The following MTG1 variants were observed in gnomAD, a reference collection of about 807,000 sequenced individuals.
The protein encoded by MTG1 is mitochondrial ribosome associated GTPase 1.
MTG1 carries 30 observed loss-of-function variants against 39.5 expected under a neutral mutation model. The ratio of observed to expected loss-of-function variants is 0.76; its 90% confidence interval spans 0.57 to 1.03. MTG1 has a LOEUF of 1.03. Among genes scored for constraint, MTG1 ranks in the 50% least tolerant of loss-of-function variants. The probability of loss-of-function intolerance (pLI) is 0.00; values close to 1 mark genes in which losing one functional copy is unlikely to be tolerated. For synonymous variants in MTG1, 217 were observed against 179.0 expected (o/e 1.21, Z -1.69); for missense variants, 513 against 447.4 (o/e 1.15, Z -1.32).
chr10:133,414,944 A>G (rs1268393336), intron 9 of MTG1, among the ~76,000 whole-genome samples: 1 of 152,244 alleles, frequency 6.6e-6, no homozygotes, highest in Non-Finnish European at 1.5e-5. Context: ...CTGGCGGATC[A>G]CTTGTGGTTA....
At chr10:133,415,734 T>A (rs1366467948) in intron 9 of MTG1, among the ~76,000 whole-genome samples, 1 of 152,262 alleles carries the variant, frequency 6.6e-6, no homozygotes, top group Non-Finnish European at 1.5e-5. Flanking sequence ...TTTTTGGATC[T>A]GGGTCTTTGT....
chr10:133,399,115 G>A, intron 4 of MTG1, 55 bp from the exon 5 acceptor site: 1 of 1,596,600 alleles, frequency 6.3e-7, no homozygotes, highest in Non-Finnish European at 8.6e-7. Flanking sequence ...GAAGGAGCGG[G>A]TCAGTGCACA....
chr10:133,414,467 G>T (rs1461916911), intron 9 of MTG1, among the ~76,000 whole-genome samples: 1 of 152,214 alleles, frequency 6.6e-6, no homozygotes, highest in East Asian at 1.9e-4. Context: ...GGGCAGAGGG[G>T]CTCCTCACTT....
intron 3 of MTG1, among the ~76,000 whole-genome samples, 172 bp downstream of exon 3, chr10:133,396,439 G>C (rs1197744637): frequency 6.6e-6 from 1 of 152,122 alleles, no homozygotes; most frequent in Non-Finnish European, 1.5e-5. Flanking sequence ...CTCATATGGC[G>C]TGCCCCCATC....
Position 133,402,774 on chromosome 10 carries a change from G to C in MTG1, c.752+1G>C. 1 of 1,597,548 alleles carries C rather than the reference G, an allele frequency of 6.3e-7. No individual in the cohort carries two copies. The highest frequency in any genetic ancestry group is 8.5e-7 in the Non-Finnish European group (1 of 1,172,122). On this transcript the variant is annotated splice_donor_variant, in intron 9 of 10. Transcript: ENST00000317502. LOFTEE classifies it high-confidence loss of function. The surrounding 1 kb of genome is among the most constrained non-coding windows in gnomAD (Gnocchi z 4.7). ...CCCTCAACAAACACCAGCGCTTTGG[G>C]TGAGTGCAGTGAATGCAGGGCAGCT...
chr10:133,410,279 A>G (rs999917239), intron 9 of MTG1, among the ~76,000 whole-genome samples: 4 of 151,436 alleles, frequency 2.6e-5, no homozygotes, highest in Non-Finnish European at 5.9e-5. Context: ...CTGGTCTTGA[A>G]CTCTTGGCCT....
At position 133,402,959 on chromosome 10, in the gene MTG1, A is replaced by G; in HGVS notation, c.752+186A>G. 5 of 539,508 alleles carry G rather than the reference A, an allele frequency of 9.3e-6. No individual in the cohort carries two copies. The highest frequency in any genetic ancestry group is 6.6e-6 in the Non-Finnish European group (2 of 304,844). 33.4% of individuals were successfully genotyped at this position (539,508 alleles called of 1,614,324 possible). On this transcript the variant is annotated intron_variant, in intron 9 of 10. Coordinates refer to ENST00000317502, the MANE Select transcript of MTG1 (RefSeq NM_138384.4). The surrounding 1 kb of genome is among the most constrained non-coding windows in gnomAD (Gnocchi z 4.7). ...CTATACGTCTGTGAAAGCAACACAC[A>G]ATCAAGAAAACGAGCGTTCCCGTCA... is the stretch of plus-strand genomic sequence containing the variant.
At chr10:133,398,035 C>G (rs1448820829) in intron 3 of MTG1, among the ~76,000 whole-genome samples, 2 of 152,140 alleles carry the variant, frequency 1.3e-5, no homozygotes, top group African/African-American at 4.8e-5. Flanking sequence ...CATTTACTAC[C>G]CAGAGTGTGT....
Position 133,420,360 on chromosome 10 carries a change from A to G in MTG1, c.*195A>G. On this transcript the variant is annotated 3_prime_UTR_variant, in exon 11 of 11. Transcript: ENST00000317502. Reference sequence around the variant, plus strand: ...GCCCAAGCAGGTGGGAGTGGACACCAGGCTTCCCAGTGGACGTCCCTGAGC... The same window carrying G: ...GCCCAAGCAGGTGGGAGTGGACACCGGGCTTCCCAGTGGACGTCCCTGAGC... 1.8e-6 allele frequency: 1 copy of G among 570,080 alleles called. No homozygotes were observed. The highest frequency in any genetic ancestry group is 2.9e-6 in the Non-Finnish European group (1 of 345,552). The allele number at this position is 570,080 out of a possible 1,614,324, so 35.3% of individuals were successfully genotyped here.
chr10:133,395,664 T>C (rs756724966), intron 1 of MTG1, 49 bp from the exon 2 acceptor site: 2 of 1,589,810 alleles, frequency 1.3e-6, no homozygotes, highest in African/African-American at 1.3e-5. Context: ...AATCGATCAC[T>C]CTAGAAAGGT....
intron 3 of MTG1, among the ~76,000 whole-genome samples, chr10:133,397,511 C>T (rs147252441): frequency 0.036 from 5,387 of 148,424 alleles, 181 homozygotes; most frequent in African/African-American, 0.085. Context: ...CAGAGTCTTG[C>T]TCTGTCGCCC....
chr10:133,401,963 A>T (rs1209703036), intron 7 of MTG1, 186 bp from the exon 8 acceptor site: 1 of 625,036 alleles, frequency 1.6e-6, no homozygotes. Context: ...TTTATTCTCC[A>T]AATTAAGTGG....
intron 3 of MTG1, among the ~76,000 whole-genome samples, chr10:133,397,777 C>CTGTTTTTTTTTTTTTTTTTT (rs1849808235): frequency 7.7e-6 from 1 of 129,516 alleles, no homozygotes; most frequent in East Asian, 2.3e-4. Context: ...TGCGTCCAGC[C>CTGTTTTTTTTTTTTTTTTTT]TGTTTTTTTT....
chr10:133,418,374 A>G (rs912049439), intron 9 of MTG1, among the ~76,000 whole-genome samples: 5 of 150,220 alleles, frequency 3.3e-5, no homozygotes, highest in Admixed American at 2.0e-4. Context: ...AAAATTCTTG[A>G]GCTTTGTTGT....
intron 9 of MTG1, among the ~76,000 whole-genome samples, chr10:133,410,799 C>T (rs1647940110): frequency 6.6e-6 from 1 of 152,170 alleles, no homozygotes; most frequent in African/African-American, 2.4e-5. Flanking sequence ...AAACACATGA[C>T]ACCTTATCTG....
chr10:133,411,432 G>T (rs1850044940), intron 9 of MTG1, among the ~76,000 whole-genome samples: 1 of 152,096 alleles, frequency 6.6e-6, no homozygotes, highest in Admixed American at 6.6e-5. Context: ...TTTTATTTGG[G>T]TTAAATCTGT....
chr10:133,403,791 C>T (rs1034617769), intron 9 of MTG1, among the ~76,000 whole-genome samples: 3 of 151,552 alleles, frequency 2.0e-5, no homozygotes, highest in African/African-American at 7.3e-5. Flanking sequence ...GGGTTAATAC[C>T]TAGGAGTAGA....
chr10:133,396,418 C>T lies in MTG1; in HGVS notation c.282+151C>T, dbSNP rs1849784061. 3 of 682,906 alleles carry T rather than the reference C, an allele frequency of 4.4e-6. No homozygotes were observed. The Admixed American group carries it at 8.0e-5, about 18-fold the overall frequency. 42.3% of individuals were successfully genotyped at this position (682,906 alleles called of 1,614,324 possible). A position where few individuals can be genotyped will look rare whatever the true frequency, so the allele number is the denominator to read the frequency against. ...AGCCCTTTGCTTTGCAGAAGCGTGC[C>T]AGCATCGTTTCTCATATGGCGTGCC... is the stretch of plus-strand genomic sequence containing the variant. On this transcript the variant is annotated intron_variant, in intron 3 of 10. Coordinates refer to ENST00000317502, the MANE Select transcript of MTG1 (RefSeq NM_138384.4).
At chr10:133,400,820 C>A (rs1274452935) in intron 6 of MTG1, among the ~76,000 whole-genome samples, 1 of 152,244 alleles carries the variant, frequency 6.6e-6, no homozygotes, top group Admixed American at 6.5e-5. Context: ...CTGTAACTGC[C>A]TCCTCCAAGT....
Sources: gnomAD v4.1 joint callset for allele counts (sites outside exome capture counted in the v4.1 genomes callset) on GRCh38, gnomAD v4.1.1 for gene constraint, Gnocchi (gnomAD v3.1) non-coding constraint, MANE v1.5 for transcripts, NCBI Gene and HGNC (gene_info 2026-07-23, HGNC 2026-07-21) for gene names.